The following ABCB11 variants were observed in gnomAD, a reference collection of about 807,000 sequenced individuals.
ABCB11 encodes bile salt export pump.
Under a neutral mutation model 148.0 loss-of-function variants are expected in ABCB11, and 95 were observed. That is an observed-to-expected ratio of 0.64 (90% CI 0.54 to 0.76). The LOEUF is 0.76. Among genes scored for constraint, ABCB11 ranks in the 30% least tolerant of loss-of-function variants. The probability of loss-of-function intolerance (pLI) is 0.00; values close to 1 mark genes in which losing one functional copy is unlikely to be tolerated. For missense variants in ABCB11, 1,523 were observed against 1,617.8 expected, an observed-to-expected ratio of 0.94 and a Z score of 1.01; for synonymous variants, 591 against 555.4, an observed-to-expected ratio of 1.06 and a Z score of -0.90.
In ABCB11 at chr2:169,015,148, C is replaced by T. The variant is rs2106051529; in HGVS notation, c.99-794G>A. On this transcript the variant is annotated intron_variant, in intron 3 of 27. Coordinates refer to ENST00000650372, the MANE Select transcript of ABCB11 (RefSeq NM_003742.4). ...TTAAGATTTTGCTTCCTTCCCCATGCAGCCAAGGTCCCTCTGCCAGGCATT... is the reference window on the plus strand; with the variant it reads ...TTAAGATTTTGCTTCCTTCCCCATGTAGCCAAGGTCCCTCTGCCAGGCATT... Among the ~76,000 whole-genome samples, 2 of 152,268 alleles carry T rather than the reference C, an allele frequency of 1.3e-5. 1 individual carries two copies. Among genetic ancestry groups the T allele is most frequent in the South Asian group, 4.1e-4 (2 of 4,828 alleles).
chr2:169,001,547 T>G (rs78226078), intron 5 of ABCB11, among the ~76,000 whole-genome samples: 3,956 of 151,774 alleles, frequency 0.026, 173 homozygotes, highest in African/African-American at 0.091. Context: ...TGGGGGTGAG[T>G]GAGGGGGTGG....
At chr2:168,934,181 T>C (rs958488031) in intron 23 of ABCB11, among the ~76,000 whole-genome samples, 3 of 152,248 alleles carry the variant, frequency 2.0e-5, no homozygotes. Flanking sequence ...TTGTGTTTTC[T>C]AATTTAGACT....
chr2:169,023,046 T>C (rs1368904198), intron 1 of ABCB11, among the ~76,000 whole-genome samples: 1 of 152,130 alleles, frequency 6.6e-6, no homozygotes, highest in Non-Finnish European at 1.5e-5. Context: ...TTGGCAAAGA[T>C]GAAATATCCA....
intron 10 of ABCB11, among the ~76,000 whole-genome samples, chr2:168,984,029 A>G (rs1298492853): frequency 6.6e-6 from 1 of 152,178 alleles, no homozygotes; most frequent in Non-Finnish European, 1.5e-5. Flanking sequence ...AGCAGATCAC[A>G]AAAGAGAATG....
At chr2:168,970,588 A>G (rs1334074433) in intron 14 of ABCB11, 1 of 339,548 alleles carries the variant, frequency 2.9e-6, no homozygotes, top group Non-Finnish European at 5.7e-6. Context: ...ACACAGCAAA[A>G]TATAATGCAA....
At chr2:168,972,949 G>T (rs552425652) in intron 13 of ABCB11, among the ~76,000 whole-genome samples, 3 of 152,040 alleles carry the variant, frequency 2.0e-5, no homozygotes, top group African/African-American at 7.2e-5. Context: ...ACCTTTGGGG[G>T]TCATTGTGAC....
At chr2:168,975,300 TATTTAA>T (rs1269494872) in intron 12 of ABCB11, among the ~76,000 whole-genome samples, 78 of 60,558 alleles carry the variant, frequency 1.3e-3, no homozygotes, top group African/African-American at 4.8e-3. Flanking sequence ...AATATTTTTA[TATTTAA>T]ATATTTATAG....
rs994993516 is a variant in ABCB11, at chr2:168,932,537, T to C, written c.3057-4A>G. ...CAGTACAACTGCAGAGATCACCCTGTAACCAGACAGACACACAGGAAGAGA... is the reference window on the plus strand; with the variant it reads ...CAGTACAACTGCAGAGATCACCCTGCAACCAGACAGACACACAGGAAGAGA... On this transcript the variant is annotated splice_region_variant and splice_polypyrimidine_tract_variant and intron_variant, in intron 23 of 27. Coordinates refer to ENST00000650372, the MANE Select transcript of ABCB11 (RefSeq NM_003742.4). The C allele has an allele frequency of 1.9e-6, 3 of 1,612,912 alleles. No homozygotes were observed. The highest frequency in any genetic ancestry group is 2.5e-6 in the Non-Finnish European group (3 of 1,179,464).
intron 23 of ABCB11, among the ~76,000 whole-genome samples, chr2:168,933,999 C>T (rs750024762): frequency 1.3e-5 from 2 of 152,082 alleles, no homozygotes; most frequent in Non-Finnish European, 2.9e-5. Flanking sequence ...GTGATCCACC[C>T]GCCTCGGCCT....
chr2:169,022,215 G>T (rs1695560691), intron 1 of ABCB11, among the ~76,000 whole-genome samples: 1 of 151,512 alleles, frequency 6.6e-6, no homozygotes, highest in Non-Finnish European at 1.5e-5. Flanking sequence ...TTCTAATCAA[G>T]AACCTAAAAA....
At chr2:168,917,518 G>A (rs1019267790), downstream of ABCB11, among the ~76,000 whole-genome samples, 8 of 152,090 alleles carry the variant, frequency 5.3e-5, no homozygotes, top group African/African-American at 1.9e-4. Flanking sequence ...TTTCACTTTT[G>A]TCAACTCACA....
intron 18 of ABCB11, among the ~76,000 whole-genome samples, chr2:168,961,525 T>C (rs4148797): frequency 0.26 from 39,546 of 151,646 alleles, 5,999 homozygotes; most frequent in South Asian, 0.42. Context: ...TAATATTTGA[T>C]CCTGACTTGA....
chr2:168,931,134 CT>C (rs1559179618), intron 24 of ABCB11, among the ~76,000 whole-genome samples: 1 of 152,196 alleles, frequency 6.6e-6, no homozygotes, highest in Non-Finnish European at 1.5e-5. Context: ...CCATCTATTC[CT>C]GACATTCTGA....
chr2:169,003,323 C>CGTGTGTGTGT (rs139250976), intron 5 of ABCB11, among the ~76,000 whole-genome samples: 111 of 141,648 alleles, frequency 7.8e-4, no homozygotes, highest in African/African-American at 2.7e-3. Flanking sequence ...TTCCATGGTG[C>CGTGTGTGTGT]GTGTGTGTGT....
Position 168,922,015 on chromosome 2 carries a change from A to AT in ABCB11, c.*1606dup, listed in dbSNP as rs1232200454. ...AGGCGCCCGCCACCACGCCCGGCTA[A>AT]TTTTTTTGTATTTTTAGTAGAGACG... On this transcript the variant is annotated 3_prime_UTR_variant, in exon 28 of 28. Coordinates refer to ENST00000650372, the MANE Select transcript of ABCB11 (RefSeq NM_003742.4). Among the ~76,000 whole-genome samples, 14 of 151,420 alleles carry AT rather than the reference A, an allele frequency of 9.2e-5. No homozygotes were observed. Among genetic ancestry groups the AT allele is most frequent in the African/African-American group, 2.9e-4 (12 of 41,162 alleles).
In ABCB11 at chr2:168,944,944, A is replaced by G; in HGVS notation, c.2361T>C (p.Asp787=). 6.4e-7 allele frequency: 1 copy of G among 1,555,716 alleles called. No homozygotes were observed. Among genetic ancestry groups the G allele is most frequent in the Non-Finnish European group, 8.7e-7 (1 of 1,149,380 alleles). The change falls in exon 20 of 28, where the codon GAT becomes GAC. Residue 787 remains aspartate (D), a synonymous_variant. Coordinates refer to ENST00000650372, the MANE Select transcript of ABCB11 (RefSeq NM_003742.4). ...SQILGTFSIP[D]KEEQRSQING... ...TGATCTGTGACCTTTGTTCCTCTTT[A>G]TCAGGAATTGAAAAAGTCTTGGAAA...
downstream of ABCB11, among the ~76,000 whole-genome samples, chr2:168,917,998 G>A (rs1002011056): frequency 4.6e-5 from 7 of 152,052 alleles, no homozygotes; most frequent in Admixed American, 3.9e-4. Flanking sequence ...ATGTTGGGTT[G>A]AATAAAATAT....
chr2:168,944,502 C>T (rs1031723171), intron 21 of ABCB11, 103 bp downstream of exon 21: 1 of 1,289,260 alleles, frequency 7.8e-7, no homozygotes, highest in Non-Finnish European at 1.1e-6. Context: ...CCCAATCCCA[C>T]TGGTCCCTAT....
intron 5 of ABCB11, among the ~76,000 whole-genome samples, chr2:168,999,063 G>A (rs1013862680): frequency 2.6e-5 from 4 of 152,016 alleles, no homozygotes; most frequent in African/African-American, 9.7e-5. Flanking sequence ...TATAAAGTGT[G>A]CAGGTGATTT....
Sources: allele counts gnomAD v4.1 joint callset (sites outside exome capture counted in the v4.1 genomes callset), GRCh38; gene constraint gnomAD v4.1.1; transcripts MANE v1.5; gene names NCBI Gene and HGNC (gene_info 2026-07-23, HGNC 2026-07-21).